EXOSC4: variants seen among roughly 807,000 people sequenced by gnomAD.
EXOSC4 encodes exosome component 4, also known as exosome complex component RRP41.
In EXOSC4, 14 loss-of-function variants were observed where a neutral mutation model predicts 20.0. The ratio of observed to expected loss-of-function variants is 0.70; its 90% CI spans 0.46 to 1.09. The LOEUF (loss-of-function observed/expected upper bound fraction) is 1.09, where lower values mean the gene tolerates loss of function less well. Ranked by LOEUF, EXOSC4 falls within the 50% of genes least tolerant of loss-of-function variation. The probability of loss-of-function intolerance (pLI) is 0.00; values close to 1 mark genes in which losing one functional copy is unlikely to be tolerated. For missense variants in EXOSC4, 337 were observed against 334.0 expected (o/e 1.01, Z -0.07); for synonymous variants, 148 against 146.4 (o/e 1.01, Z -0.08).
chr8:144,080,640 G>A lies in EXOSC4; in HGVS notation c.*39G>A, dbSNP rs782458306. 6.3e-7 allele frequency: 1 copy of A among 1,578,236 alleles called. No homozygotes were observed. The highest frequency in any genetic ancestry group is 1.7e-5 in the Admixed American group (1 of 59,274). ...CATGTCCAGAATAAAACCCTCCTCT[G>A]CCCACACACCCCTCACTGTACGTTA... On this transcript the variant is annotated 3_prime_UTR_variant, in exon 3 of 3. Transcript: ENST00000316052. This position sits in a 1 kb window ranked among gnomAD's most constrained non-coding sequence, Gnocchi z 4.9.
At chr8:144,074,733 G>A (rs568126442), upstream of EXOSC4, among the ~76,000 whole-genome samples, 1 of 152,198 alleles carries the variant, frequency 6.6e-6, no homozygotes, top group South Asian at 2.1e-4. Context: ...ACCATACCCA[G>A]TTAATTTTTA....
chr8:144,065,986 T>G, the EXOSC4 span, among the ~76,000 whole-genome samples: 35 of 126,932 alleles, frequency 2.8e-4, no homozygotes, highest in South Asian at 5.7e-3. Flanking sequence ...AGTTTTTTTG[T>G]TTTTTTTTTT....
Position 144,078,757 on chromosome 8 carries a change from A to G in EXOSC4, c.29A>G (p.Gln10Arg). The G allele has an allele frequency of 6.6e-7, 1 of 1,509,536 alleles. No homozygotes were observed. The highest frequency in any genetic ancestry group is 8.9e-7 in the Non-Finnish European group (1 of 1,129,664). 93.5% of individuals were successfully genotyped at this position (1,509,536 alleles called of 1,614,324 possible). A position where few individuals can be genotyped will look rare whatever the true frequency, so the allele number is the denominator to read the frequency against. Residue 10 changes from glutamine (Q) to arginine (R), a missense_variant, in exon 1 of 3, where the codon CAG (glutamine) becomes CGG (arginine). Gln to Arg is a conservative substitution (Grantham distance 43, BLOSUM62 1). Transcript: ENST00000316052. The surrounding 1 kb of genome is among the most constrained non-coding windows in gnomAD (Gnocchi z 4.7). ...GCGGGGCTGGAGCTCTTGTCGGACC[A>G]GGGCTACCGGGTGGACGGGCGGCGC... Reference protein sequence around the residue: MAGLELLSDQGYRVDGRRAG... With the variant: MAGLELLSDRGYRVDGRRAG...
At chr8:144,069,319 G>A in the EXOSC4 span, among the ~76,000 whole-genome samples, 1 of 152,226 alleles carries the variant, frequency 6.6e-6, no homozygotes, top group Admixed American at 6.5e-5. Context: ...CTATCTTACA[G>A]TCCCGGAGAC....
intron 1 of EXOSC4, chr8:144,079,654 T>G (rs1293094530): frequency 1.7e-6 from 1 of 573,312 alleles, no homozygotes; most frequent in Non-Finnish European, 3.3e-6. Context: ...GTGAAACCTT[T>G]GTAAGGTAGT....
chr8:144,076,998 G>A (rs1428090531), upstream of EXOSC4, among the ~76,000 whole-genome samples: 2 of 151,972 alleles, frequency 1.3e-5, no homozygotes, highest in African/African-American at 2.4e-5. Context: ...TTGAACCCAG[G>A]AGGTGGAGGT....
the EXOSC4 span, among the ~76,000 whole-genome samples, chr8:144,071,081 C>T: frequency 6.6e-6 from 1 of 152,004 alleles, no homozygotes; most frequent in African/African-American, 2.4e-5. Context: ...CATGAAAAAA[C>T]AGCAGCAAAA....
chr8:144,078,594 C>A, upstream of EXOSC4: 1 of 1,000,652 alleles, frequency 1.0e-6, no homozygotes, highest in Non-Finnish European at 1.4e-6. This position sits in a 1 kb window ranked among gnomAD's most constrained non-coding sequence, Gnocchi z 4.7. Flanking sequence ...CCGCGGAGAG[C>A]TGTAGTTCCC....
upstream of EXOSC4, among the ~76,000 whole-genome samples, chr8:144,075,047 C>A (rs1587583201): frequency 6.6e-6 from 1 of 151,936 alleles, no homozygotes; most frequent in East Asian, 1.9e-4. Flanking sequence ...GAAACTAAAT[C>A]ATTTTCTTGG....
intron 1 of EXOSC4, 43 bp from the exon 2 acceptor site, chr8:144,079,900 G>C (rs375181992): frequency 6.3e-7 from 1 of 1,585,214 alleles, no homozygotes; most frequent in Admixed American, 1.7e-5. Context: ...TGGAGTGTGA[G>C]CTGGAAGGAG....
At chr8:144,065,724 G>C in the EXOSC4 span, among the ~76,000 whole-genome samples, 1 of 151,998 alleles carries the variant, frequency 6.6e-6, no homozygotes, top group Non-Finnish European at 1.5e-5. Flanking sequence ...AACAGAATAA[G>C]ACTCTGTCTC....
the EXOSC4 span, among the ~76,000 whole-genome samples, chr8:144,072,073 G>C: frequency 6.6e-6 from 1 of 152,200 alleles, no homozygotes; most frequent in African/African-American, 2.4e-5. Context: ...TCATGTCTGG[G>C]TATTTAGGGT....
At chr8:144,067,953 C>G in the EXOSC4 span, among the ~76,000 whole-genome samples, 1 of 152,202 alleles carries the variant, frequency 6.6e-6, no homozygotes, top group Non-Finnish European at 1.5e-5. Flanking sequence ...TTCAACCTGC[C>G]GAAACAACCT....
the EXOSC4 span, among the ~76,000 whole-genome samples, chr8:144,073,579 G>C: frequency 2.0e-5 from 3 of 152,226 alleles, no homozygotes; most frequent in Non-Finnish European, 4.4e-5. Flanking sequence ...CCGGCCGGGT[G>C]TGGTGGCTCA....
chr8:144,072,564 G>A, the EXOSC4 span, among the ~76,000 whole-genome samples: 6 of 152,036 alleles, frequency 3.9e-5, no homozygotes, highest in African/African-American at 9.7e-5. Context: ...ACATACACAC[G>A]CACCATTCCC....
the EXOSC4 span, among the ~76,000 whole-genome samples, chr8:144,071,453 G>C: frequency 7.4e-5 from 11 of 149,038 alleles, no homozygotes; most frequent in African/African-American, 2.7e-4. Context: ...TTACAGGTGC[G>C]TGCCACCACA....
At position 144,078,925 on chromosome 8, in the gene EXOSC4, T is replaced by C; in HGVS notation, c.171+26T>C. 6.9e-7 allele frequency: 1 copy of C among 1,449,358 alleles called. No individual in the cohort carries two copies. Among genetic ancestry groups the C allele is most frequent in the East Asian group, 2.8e-5 (1 of 36,300 alleles). The allele number at this position is 1,449,358 out of a possible 1,614,324, so 89.8% of individuals were successfully genotyped here. A position where few individuals can be genotyped will look rare whatever the true frequency, so the allele number is the denominator to read the frequency against. ...GCGAGTGGGCGCGCGGGATGGGGAA[T>C]CGTGTGGCCGTGGGAGCTGCGGGGC... On this transcript the variant is annotated intron_variant, in intron 1 of 2. Transcript: ENST00000316052. This position sits in a 1 kb window ranked among gnomAD's most constrained non-coding sequence, Gnocchi z 4.7.
the EXOSC4 span, among the ~76,000 whole-genome samples, chr8:144,068,889 G>A: frequency 5.9e-5 from 9 of 152,284 alleles, no homozygotes; most frequent in East Asian, 3.9e-4. Flanking sequence ...GTCTCACTCC[G>A]GGAGAAGCAG....
the EXOSC4 span, among the ~76,000 whole-genome samples, chr8:144,066,864 G>A: frequency 2.6e-5 from 4 of 152,004 alleles, no homozygotes; most frequent in Admixed American, 6.5e-5. Flanking sequence ...GAGGCGGGCG[G>A]ATCACCTGAG....
Sources: gnomAD v4.1 joint callset for allele counts (sites outside exome capture counted in the v4.1 genomes callset) on GRCh38, gnomAD v4.1.1 for gene constraint, Gnocchi (gnomAD v3.1) non-coding constraint, MANE v1.5 for transcripts, NCBI Gene and HGNC (gene_info 2026-07-23, HGNC 2026-07-21) for gene names.